The following GRIA1 variants were observed in gnomAD, a reference collection of about 807,000 sequenced individuals.
GRIA1 encodes glutamate receptor 1.
Under a neutral mutation model 99.2 loss-of-function variants are expected in GRIA1, and 31 were observed. The ratio of observed to expected loss-of-function variants is 0.31; its 90% CI spans 0.23 to 0.42. The LOEUF (loss-of-function observed/expected upper bound fraction) is 0.42, where lower values mean the gene tolerates loss of function less well. Among genes scored for constraint, GRIA1 ranks in the 10% least tolerant of loss-of-function variants. GRIA1 has a pLI of 1.00. For missense variants in GRIA1, 782 were observed against 1,157.5 expected (o/e 0.68, Z 4.71); for synonymous variants, 438 against 432.4 (o/e 1.01, Z -0.16).
At chr5:153,558,186 C>T (rs1760818405) in intron 2 of GRIA1, 1 of 152,104 alleles carries the variant, frequency 6.6e-6, no homozygotes, top group African/African-American at 2.4e-5. Context: ...GGACCACCGT[C>T]ATATAAGCAG....
chr5:153,540,024 G>GA (rs1403516315), intron 2 of GRIA1, among the ~76,000 whole-genome samples: 1 of 152,204 alleles, frequency 6.6e-6, no homozygotes. Flanking sequence ...AGTTTTCTCT[G>GA]AAAATCTGTG....
chr5:153,590,607 T>G (rs1763886002), intron 2 of GRIA1, among the ~76,000 whole-genome samples: 1 of 151,936 alleles, frequency 6.6e-6, no homozygotes, highest in South Asian at 2.1e-4. Context: ...CCTACAGGAC[T>G]ACTTCTCTAA....
At position 153,668,887 on chromosome 5, in the gene GRIA1, T is replaced by C. The variant is rs557340658; in HGVS notation, c.700-5613T>C. Among the ~76,000 whole-genome samples, 7 of 152,352 alleles carry C rather than the reference T, an allele frequency of 4.6e-5. No individual in the cohort carries two copies. In the East Asian group the frequency reaches 1.4e-3, roughly 29 times the overall value. Reference sequence around the variant, plus strand: ...GCCAGCCACAGTCTGAGGTTCATTGTCCCTCTTTGTCTGGAGCAATCTTGA... The same window carrying C: ...GCCAGCCACAGTCTGAGGTTCATTGCCCCTCTTTGTCTGGAGCAATCTTGA... On this transcript the variant is annotated intron_variant, in intron 5 of 15. Transcript: ENST00000285900.
At chr5:153,800,148 T>C (rs973354106) in intron 14 of GRIA1, among the ~76,000 whole-genome samples, 13 of 152,154 alleles carry the variant, frequency 8.5e-5, no homozygotes, top group Admixed American at 2.0e-4. Context: ...GCCTCCAGCT[T>C]TCTTTTTTAC....
At chr5:153,561,113 C>A (rs1166802884) in intron 2 of GRIA1, among the ~76,000 whole-genome samples, 1 of 152,122 alleles carries the variant, frequency 6.6e-6, no homozygotes, top group Non-Finnish European at 1.5e-5. Context: ...TATTCAATGG[C>A]ATTTAGTAAA....
At position 153,587,149 on chromosome 5, in the gene GRIA1, T is replaced by C. The variant is rs145721160; in HGVS notation, c.221-59779T>C. Among the ~76,000 whole-genome samples the C allele has an allele frequency of 8.7e-3, 1,324 of 152,262 alleles. 19 individuals are homozygous for C. Among genetic ancestry groups the C allele is most frequent in the African/African-American group, 0.03 (1,248 of 41,544 alleles). ...CCCCAATGCTGAAGGTGGGGCCTAG[T>C]GGGAGGTGTGTGGGTCATGGGGGCA... is the stretch of plus-strand genomic sequence containing the variant. On this transcript the variant is annotated intron_variant, in intron 2 of 15. Coordinates refer to ENST00000285900, the MANE Select transcript of GRIA1 (RefSeq NM_000827.4).
intron 2 of GRIA1, among the ~76,000 whole-genome samples, chr5:153,532,048 C>T (rs189674730): frequency 2.0e-5 from 3 of 152,256 alleles, no homozygotes; most frequent in Admixed American, 2.0e-4. Context: ...CTTTTTATTT[C>T]TATCCAGAGC....
intron 13 of GRIA1, among the ~76,000 whole-genome samples, chr5:153,791,421 G>A (rs1017634736): frequency 6.6e-6 from 1 of 152,062 alleles, no homozygotes; most frequent in African/African-American, 2.4e-5. Flanking sequence ...CTTAGAAAAT[G>A]GAGATTCTTG....
chr5:153,718,110 G>C (rs1759794477), intron 11 of GRIA1, among the ~76,000 whole-genome samples: 1 of 152,182 alleles, frequency 6.6e-6, no homozygotes, highest in East Asian at 1.9e-4. Flanking sequence ...CCTTGCATTA[G>C]GCACAAGGCT....
intron 11 of GRIA1, among the ~76,000 whole-genome samples, chr5:153,744,183 A>G (rs1455785688): frequency 6.6e-6 from 1 of 152,196 alleles, no homozygotes; most frequent in Non-Finnish European, 1.5e-5. Context: ...GGGGAGAGAT[A>G]CAAAGTTGGC....
At chr5:153,578,551 A>T (rs185311872) in intron 2 of GRIA1, among the ~76,000 whole-genome samples, 1 of 152,290 alleles carries the variant, frequency 6.6e-6, no homozygotes. Flanking sequence ...TTTTATTTTA[A>T]GTGCATGAGA....
chr5:153,765,501 A>C (rs1322092688), intron 12 of GRIA1, among the ~76,000 whole-genome samples: 1 of 152,196 alleles, frequency 6.6e-6, no homozygotes, highest in South Asian at 2.1e-4. Context: ...GTAGACGTGT[A>C]AACATTTATA....
intron 7 of GRIA1, among the ~76,000 whole-genome samples, chr5:153,678,539 T>C (rs1056519515): frequency 1.3e-5 from 2 of 152,066 alleles, no homozygotes; most frequent in Admixed American, 6.5e-5. Context: ...CAGGGGAAAA[T>C]TGCCAAATGG....
intron 2 of GRIA1, among the ~76,000 whole-genome samples, chr5:153,552,094 G>C (rs1760199858): frequency 6.6e-6 from 1 of 152,002 alleles, no homozygotes; most frequent in Non-Finnish European, 1.5e-5. Flanking sequence ...TGCACCAGAG[G>C]TCCCAAACTG....
chr5:153,621,127 A>G (rs1435169815), intron 2 of GRIA1, among the ~76,000 whole-genome samples: 1 of 152,226 alleles, frequency 6.6e-6, no homozygotes, highest in Non-Finnish European at 1.5e-5. Flanking sequence ...TGTAAATTGT[A>G]TTATATACTT....
chr5:153,593,890 C>T (rs892797923), intron 2 of GRIA1, among the ~76,000 whole-genome samples: 7 of 152,130 alleles, frequency 4.6e-5, no homozygotes, highest in Admixed American at 6.5e-5. Flanking sequence ...TGCATTTTCC[C>T]GTAGTTTCTT....
At chr5:153,535,054 T>C (rs1329051523) in intron 2 of GRIA1, among the ~76,000 whole-genome samples, 1 of 152,076 alleles carries the variant, frequency 6.6e-6, no homozygotes, top group Non-Finnish European at 1.5e-5. Flanking sequence ...CCTGAGTAGC[T>C]CGGATTACAG....
chr5:153,576,869 A>G (rs1762567971), intron 2 of GRIA1, among the ~76,000 whole-genome samples: 1 of 152,278 alleles, frequency 6.6e-6, no homozygotes, highest in African/African-American at 2.4e-5. Flanking sequence ...CTTTATACGA[A>G]TGAGTTGCTA....
At chr5:153,777,248 G>A (rs764472990) in intron 13 of GRIA1, among the ~76,000 whole-genome samples, 2 of 152,134 alleles carry the variant, frequency 1.3e-5, no homozygotes, top group Non-Finnish European at 2.9e-5. Flanking sequence ...TCAGGGAGGC[G>A]ATGTGCTAGT....
Sources: gnomAD v4.1 joint callset for allele counts (sites outside exome capture counted in the v4.1 genomes callset) on GRCh38, gnomAD v4.1.1 for gene constraint, MANE v1.5 for transcripts, NCBI Gene and HGNC (gene_info 2026-07-23, HGNC 2026-07-21) for gene names.